The following TTC28 variants were observed in gnomAD, a reference collection of about 807,000 sequenced individuals.
TTC28 encodes the protein tetratricopeptide repeat domain 28.
TTC28 carries 61 observed loss-of-function variants against 198.0 expected under a neutral mutation model. The ratio of observed to expected loss-of-function variants is 0.31; its 90% confidence interval spans 0.25 to 0.38. The LOEUF (loss-of-function observed/expected upper bound fraction) is 0.38, where lower values mean the gene tolerates loss of function less well. Among genes scored for constraint, TTC28 ranks in the 10% least tolerant of loss-of-function variants. The pLI, the probability that TTC28 is intolerant of heterozygous loss-of-function variation, is 1.00. For missense variants in TTC28, 2,678 were observed against 3,164.0 expected, an observed-to-expected ratio of 0.85 and a Z score of 3.69; for synonymous variants, 1,171 against 1,297.8, an observed-to-expected ratio of 0.90 and a Z score of 2.10.
chr22:28,039,659 T>TA (rs1340707370), intron 12 of TTC28, among the ~76,000 whole-genome samples: 2 of 151,846 alleles, frequency 1.3e-5, no homozygotes, highest in Admixed American at 1.3e-4. Flanking sequence ...CCCTAAAACT[T>TA]AAAGTATAAA....
At chr22:28,638,863 G>A (rs915234686) in intron 1 of TTC28, among the ~76,000 whole-genome samples, 75 of 152,102 alleles carry the variant, frequency 4.9e-4, no homozygotes, top group African/African-American at 1.6e-3. Flanking sequence ...GGGAGGTCTC[G>A]CTATATTGCC....
chr22:28,663,665 G>A (rs1227855089), intron 1 of TTC28, among the ~76,000 whole-genome samples: 1 of 137,786 alleles, frequency 7.3e-6, no homozygotes, highest in Admixed American at 7.3e-5. Context: ...GAATCTCGCT[G>A]ATTGCTAGCA....
chr22:28,669,398 C>T (rs1448410732), intron 1 of TTC28, among the ~76,000 whole-genome samples: 1 of 151,852 alleles, frequency 6.6e-6, no homozygotes, highest in Non-Finnish European at 1.5e-5. Context: ...CATGGAAATT[C>T]CTGATAGGGG....
chr22:28,403,302 T>G (rs549641459), intron 2 of TTC28, among the ~76,000 whole-genome samples: 1 of 152,346 alleles, frequency 6.6e-6, no homozygotes, highest in Admixed American at 6.5e-5. Context: ...ACATTTTGTC[T>G]TCATCACAGA....
chr22:28,584,912 G>A (rs2050291481), intron 2 of TTC28, among the ~76,000 whole-genome samples: 1 of 152,136 alleles, frequency 6.6e-6, no homozygotes, highest in Non-Finnish European at 1.5e-5. Context: ...TGGTAAACTT[G>A]GACTGAGAAG....
At chr22:28,410,651 G>A (rs993239927) in intron 2 of TTC28, among the ~76,000 whole-genome samples, 1 of 152,284 alleles carries the variant, frequency 6.6e-6, no homozygotes, top group Non-Finnish European at 1.5e-5. Context: ...AGGGGGAATA[G>A]CCAAGTAGGT....
intron 2 of TTC28, among the ~76,000 whole-genome samples, chr22:28,591,032 CACACACACATATATATATATAT>C (rs1261512359): frequency 0.013 from 819 of 62,502 alleles, 18 homozygotes; most frequent in African/African-American, 0.039. Context: ...CACACACACA[CACACACACATATATATATATAT>C]ATATATATAT....
In TTC28 at chr22:28,324,308, A is replaced by G. The variant is rs573489379; in HGVS notation, c.382-17665T>C. ...CTCTGCAAAAAATTCTACCAAAGGT[A>G]CATAGAGGAACTGGCACCATTCCTT... On this transcript the variant is annotated intron_variant, in intron 2 of 22. Transcript: ENST00000397906. Among the ~76,000 whole-genome samples the G allele has an allele frequency of 5.3e-5, 8 of 152,212 alleles. No individual in the cohort carries two copies. The South Asian group carries it at 1.7e-3, about 32-fold the overall frequency.
chr22:28,337,027 C>T (rs1327163108), intron 2 of TTC28, among the ~76,000 whole-genome samples: 1 of 152,162 alleles, frequency 6.6e-6, no homozygotes, highest in Non-Finnish European at 1.5e-5. Flanking sequence ...TCCAGAGATT[C>T]TGGTATGTTG....
chr22:28,300,607 A>T (rs188751905), intron 3 of TTC28, among the ~76,000 whole-genome samples: 1 of 152,260 alleles, frequency 6.6e-6, no homozygotes, highest in Non-Finnish European at 1.5e-5. Context: ...AGGATAATAT[A>T]CAAAACATGC....
At chr22:28,121,170 C>T (rs1444888104) in intron 6 of TTC28, among the ~76,000 whole-genome samples, 1 of 152,192 alleles carries the variant, frequency 6.6e-6, no homozygotes, top group African/African-American at 2.4e-5. Flanking sequence ...TCCTAGAAAG[C>T]TCTTGTAATC....
intron 12 of TTC28, among the ~76,000 whole-genome samples, chr22:28,089,831 G>A (rs1277325412): frequency 6.6e-6 from 1 of 151,552 alleles, no homozygotes; most frequent in South Asian, 2.1e-4. Flanking sequence ...GGATGAAGCT[G>A]GAAACTATCA....
In TTC28 at chr22:27,983,404, C is replaced by A. The variant is rs1358171468; in HGVS notation, c.6263G>T (p.Gly2088Val). 2 of 1,550,910 alleles carry A rather than the reference C, an allele frequency of 1.3e-6. No individual in the cohort carries two copies. The highest frequency in any genetic ancestry group is 8.7e-7 in the Non-Finnish European group (1 of 1,146,952). ...FSPDHKQPQP[G>V]TAGGMRVSVS... ...CGAGACTCTCATGCCTCCGGCTGTC[C>A]CAGGTTGGGGTTGTTTGTGGTCTGG... Residue 2088 changes from glycine to valine, a missense_variant, in exon 23 of 23, where the codon GGG becomes GTG. Coordinates refer to ENST00000397906, the MANE Select transcript of TTC28 (RefSeq NM_001145418.2).
chr22:28,545,606 T>C (rs1046671999), intron 2 of TTC28, among the ~76,000 whole-genome samples: 2 of 151,826 alleles, frequency 1.3e-5, no homozygotes, highest in Non-Finnish European at 2.9e-5. Flanking sequence ...AAAACTAATA[T>C]AAATAACAGG....
intron 3 of TTC28, among the ~76,000 whole-genome samples, chr22:28,298,140 T>C (rs1353411169): frequency 6.6e-6 from 1 of 152,128 alleles, no homozygotes; most frequent in Admixed American, 6.5e-5. Flanking sequence ...CCCTCTCCTC[T>C]GTCCTGTTCC....
At chr22:28,208,164 G>A (rs1358370810) in intron 5 of TTC28, among the ~76,000 whole-genome samples, 2 of 152,066 alleles carry the variant, frequency 1.3e-5, no homozygotes, top group Non-Finnish European at 2.9e-5. Flanking sequence ...AATGAATAAA[G>A]GACACATAGG....
At chr22:28,488,868 C>A (rs186055253) in intron 2 of TTC28, among the ~76,000 whole-genome samples, 1 of 152,202 alleles carries the variant, frequency 6.6e-6, no homozygotes, top group East Asian at 1.9e-4. Context: ...AATCACTAAA[C>A]CATGTAAGGA....
chr22:28,120,442 T>C (rs1244013396), intron 6 of TTC28, among the ~76,000 whole-genome samples: 1 of 152,164 alleles, frequency 6.6e-6, no homozygotes, highest in Non-Finnish European at 1.5e-5. Context: ...ACAGAGGCCA[T>C]GTGGTCACTA....
At chr22:28,336,613 AG>A (rs2045724309) in intron 2 of TTC28, among the ~76,000 whole-genome samples, 1 of 151,710 alleles carries the variant, frequency 6.6e-6, no homozygotes, top group South Asian at 2.1e-4. Flanking sequence ...TAGATTTTCT[AG>A]TTTATTTGCG....
Sources: allele counts gnomAD v4.1 joint callset (sites outside exome capture counted in the v4.1 genomes callset), GRCh38; gene constraint gnomAD v4.1.1; transcripts MANE v1.5; gene names NCBI Gene and HGNC (gene_info 2026-07-23, HGNC 2026-07-21).